Variants in DOP1A observed in about 807,000 individuals in gnomAD.
DOP1A encodes DOP1 leucine zipper like protein A, also known as protein DOP1A.
Under a neutral mutation model 267.6 loss-of-function variants are expected in DOP1A, and 90 were observed. The observed-to-expected ratio is 0.34, with a 90% CI of 0.28 to 0.40. The LOEUF (loss-of-function observed/expected upper bound fraction) is 0.40, where lower values mean the gene tolerates loss of function less well. Ranked by LOEUF, DOP1A falls within the 10% of genes least tolerant of loss-of-function variation. The pLI is 1.00. For synonymous variants in DOP1A, 932 were observed against 999.1 expected (o/e 0.93, Z 1.27); for missense variants, 2,437 against 2,900.4 (o/e 0.84, Z 3.67).
At chr6:83,087,934 C>T (rs1349189844) in intron 1 of DOP1A, among the ~76,000 whole-genome samples, 3 of 152,066 alleles carry the variant, frequency 2.0e-5, no homozygotes, top group Non-Finnish European at 4.4e-5. Flanking sequence ...TGCAGTGGCG[C>T]GATCTCAGCT....
chr6:83,169,396 T>C, downstream of DOP1A: 1 of 1,560,618 alleles, frequency 6.4e-7, no homozygotes, highest in Non-Finnish European at 8.7e-7. Flanking sequence ...ACCATGTTAC[T>C]TGGAACTCTG....
At position 83,138,301 on chromosome 6, in the gene DOP1A, A is replaced by C; in HGVS notation, c.4259A>C (p.Gln1420Pro). Residue 1420 changes from glutamine (Q) to proline (P), a missense_variant, in exon 21 of 39, where the codon CAG becomes CCG. This residue lies in a region of DOP1A where 878 missense variants were observed against 992.9 expected (regional missense o/e 0.88). Transcript: ENST00000349129. ...NAYTPQLSLL[Q>P]NLLARHRISV... ...TATACTCCTCAGTTGTCTCTCCTTC[A>C]GAATCTATTGGCCAGACACCGGATT... 6.2e-7 allele frequency: 1 copy of C among 1,612,738 alleles called. No individual in the cohort carries two copies. The highest frequency in any genetic ancestry group is 1.1e-5 in the South Asian group (1 of 91,080).
At chr6:83,130,030 A>G (rs1420266669) in intron 16 of DOP1A, 93 bp from the exon 17 acceptor site, 2 of 1,485,206 alleles carry the variant, frequency 1.3e-6, no homozygotes, top group East Asian at 2.3e-5. Flanking sequence ...AGGCCTTAAA[A>G]GTATTTAGTG....
chr6:83,162,527 G>A (rs867784393), intron 37 of DOP1A, among the ~76,000 whole-genome samples: 1 of 152,150 alleles, frequency 6.6e-6, no homozygotes, highest in Non-Finnish European at 1.5e-5. Context: ...TTGGACTCAT[G>A]AAAAAAGTAA....
chr6:83,127,664 G>T (rs953734940), intron 15 of DOP1A, among the ~76,000 whole-genome samples: 1 of 152,160 alleles, frequency 6.6e-6, no homozygotes, highest in African/African-American at 2.4e-5. Flanking sequence ...GGTGAGAGGT[G>T]GTGATAACTT....
intron 1 of DOP1A, among the ~76,000 whole-genome samples, chr6:83,079,325 T>C (rs114360326): frequency 0.011 from 1,640 of 152,356 alleles, 38 homozygotes; most frequent in African/African-American, 0.036. Context: ...CTTTTTCTTA[T>C]GATTTTACTT....
intron 6 of DOP1A, among the ~76,000 whole-genome samples, chr6:83,111,121 T>C (rs929227696): frequency 6.6e-5 from 10 of 152,068 alleles, no homozygotes; most frequent in South Asian, 2.1e-4. Flanking sequence ...TGTATATAAG[T>C]GGACTCATTT....
intron 3 of DOP1A, among the ~76,000 whole-genome samples, chr6:83,097,469 C>G (rs1771702950): frequency 6.6e-6 from 1 of 152,160 alleles, no homozygotes; most frequent in African/African-American, 2.4e-5. Flanking sequence ...AAATGAAAAC[C>G]TACAAATGGA....
intron 1 of DOP1A, among the ~76,000 whole-genome samples, chr6:83,080,696 A>G (rs1767926265): frequency 6.6e-6 from 1 of 151,784 alleles, no homozygotes; most frequent in East Asian, 1.9e-4. Context: ...GAGCATTTTT[A>G]CCTCTTAGGA....
chr6:83,156,286 G>A (rs1782767419), intron 34 of DOP1A, among the ~76,000 whole-genome samples, 183 bp downstream of exon 34: 1 of 152,170 alleles, frequency 6.6e-6, no homozygotes, highest in African/African-American at 2.4e-5. Context: ...TCATCACTGA[G>A]TTGTAGGACT....
In DOP1A at chr6:83,113,358, T is replaced by A; in HGVS notation, c.717T>A (p.Ser239Arg). Residue 239 changes from serine (S) to arginine (R), a missense_variant, in exon 7 of 39, where the codon AGT becomes AGA. Physicochemically the swap from Ser to Arg is moderately radical, Grantham distance 110. This residue lies in a region of DOP1A where 251 missense variants were observed against 359.1 expected (regional missense o/e 0.70). Coordinates refer to ENST00000349129, the MANE Select transcript of DOP1A (RefSeq NM_015018.4). ...TAAGTACTTCAGTGCAGGACTCAAG[T>A]GTACTTGTACAGAGAAGCACACTGG... is the stretch of plus-strand genomic sequence containing the variant. ...EAVSTSVQDS[S>R]VLVQRSTLDL... 6.2e-7 allele frequency: 1 copy of A among 1,613,802 alleles called. No individual in the cohort carries two copies. Among genetic ancestry groups the A allele is most frequent in the Non-Finnish European group, 8.5e-7 (1 of 1,179,824 alleles).
intron 4 of DOP1A, among the ~76,000 whole-genome samples, chr6:83,105,620 C>A (rs747062141): frequency 9.2e-5 from 14 of 152,022 alleles, no homozygotes; most frequent in Non-Finnish European, 1.8e-4. Flanking sequence ...GCCTCGGCCT[C>A]CCAAAGTGCT....
rs1355462660 is a variant in DOP1A at position 83,067,743 on chromosome 6, G to T, written c.-183G>T. ...GGTGTAGCTGCCGTGGTTGCCAGGA[G>T]AGCTGCGCCGGCGAGAAGCGGCCGA... is the stretch of plus-strand genomic sequence containing the variant. On this transcript the variant is annotated 5_prime_UTR_variant, in exon 1 of 39. Transcript: ENST00000349129. 2 of 152,284 alleles carry T rather than the reference G, an allele frequency of 1.3e-5. No homozygotes were observed. Among genetic ancestry groups the T allele is most frequent in the African/African-American group, 4.8e-5 (2 of 41,464 alleles). The allele number at this position is 152,284 out of a possible 1,614,324, so 9.4% of individuals were successfully genotyped here.
rs144979270 is a variant in DOP1A, at chr6:83,127,757, T to C, written c.1720-1130T>C. ...GAGGAAAAATAGACTTAGTAATAGATTGATAAGGGTAATGATCACTAACAC... is the reference window on the plus strand; with the variant it reads ...GAGGAAAAATAGACTTAGTAATAGACTGATAAGGGTAATGATCACTAACAC... On this transcript the variant is annotated intron_variant, in intron 15 of 38. Transcript: ENST00000349129. Among the ~76,000 whole-genome samples the C allele has an allele frequency of 3.8e-3, 581 of 152,254 alleles. 3 individuals are homozygous for C. The highest frequency in any genetic ancestry group is 0.013 in the African/African-American group (561 of 41,562).
At position 83,145,527 on chromosome 6, in the gene DOP1A, A is replaced by G. The variant is rs760850052; in HGVS notation, c.5545A>G (p.Ile1849Val). 2.5e-6 allele frequency: 4 copies of G among 1,591,302 alleles called. No homozygotes were observed. The East Asian group carries it at 7.0e-5, about 28-fold the overall frequency. Residue 1849 changes from isoleucine to valine, a missense_variant, in exon 25 of 39, where the codon ATT (isoleucine) becomes GTT (valine). By Grantham distance (29) the Ile-to-Val change is conservative. This residue lies in a region of DOP1A where 307 missense variants were observed against 308.6 expected (regional missense o/e 0.99). Transcript: ENST00000349129. ...QNKTTTRTKVIPAASEEQLLL... is the reference protein window; with the variant it reads ...QNKTTTRTKVVPAASEEQLLL... ...CATACAATGATTTATTACCTAGGTC[A>G]TTCCTGCAGCCAGTGAAGAACAGCT... is the stretch of plus-strand genomic sequence containing the variant.
intron 38 of DOP1A, chr6:83,166,504 G>A (rs56225336): frequency 1.4e-6 from 1 of 693,528 alleles, no homozygotes; most frequent in South Asian, 1.6e-5. Flanking sequence ...TTTGATTTTT[G>A]TCTAACATCA....
intron 29 of DOP1A, 21 bp from the exon 30 acceptor site, chr6:83,152,267 T>C (rs756989989): frequency 6.9e-7 from 1 of 1,454,778 alleles, no homozygotes; most frequent in Admixed American, 2.0e-5. Context: ...AGCCATATCT[T>C]TAATTTTCTC....
chr6:83,141,161 G>T (rs868067618), intron 23 of DOP1A, among the ~76,000 whole-genome samples: 63 of 152,106 alleles, frequency 4.1e-4, no homozygotes, highest in African/African-American at 1.5e-3. Context: ...TGGTTTTGAA[G>T]AATTCTTATT....
At chr6:83,112,480 T>C (rs1393847406) in intron 6 of DOP1A, among the ~76,000 whole-genome samples, 1 of 152,180 alleles carries the variant, frequency 6.6e-6, no homozygotes, top group African/African-American at 2.4e-5. Flanking sequence ...GCTATGTATT[T>C]ATTGACACAG....
Sources: gnomAD v4.1 joint callset for allele counts (sites outside exome capture counted in the v4.1 genomes callset) on GRCh38, gnomAD v4.1.1 for gene constraint, gnomAD v4.1.1 regional missense constraint, MANE v1.5 for transcripts, NCBI Gene and HGNC (gene_info 2026-07-23, HGNC 2026-07-21) for gene names.